Variants in CACNA2D3 observed in about 807,000 individuals in gnomAD.
The protein encoded by CACNA2D3 is calcium voltage-gated channel auxiliary subunit alpha2delta 3.
In CACNA2D3, 60 loss-of-function variants were observed where a neutral mutation model predicts 160.6. The observed-to-expected ratio is 0.37, with a 90% CI of 0.30 to 0.46. CACNA2D3 has a LOEUF of 0.46. Among genes scored for constraint, CACNA2D3 ranks in the 20% least tolerant of loss-of-function variants. The pLI, the probability that CACNA2D3 is intolerant of heterozygous loss-of-function variation, is 1.00. For synonymous variants in CACNA2D3, 558 were observed against 492.9 expected, an observed-to-expected ratio of 1.13 and a Z score of -1.75; for missense variants, 1,205 against 1,365.0, an observed-to-expected ratio of 0.88 and a Z score of 1.85.
intron 2 of CACNA2D3, among the ~76,000 whole-genome samples, chr3:54,148,540 C>G (rs1242126107): frequency 6.6e-6 from 1 of 152,072 alleles, no homozygotes; most frequent in Non-Finnish European, 1.5e-5. Context: ...GTGGCCTGAG[C>G]CCTCATATAG....
chr3:54,619,944 C>G (rs1698946467), intron 9 of CACNA2D3, among the ~76,000 whole-genome samples: 1 of 152,066 alleles, frequency 6.6e-6, no homozygotes. Context: ...TGTGTGTTGT[C>G]AGGAGGAATT....
At chr3:54,880,571 T>C (rs560101051) in intron 20 of CACNA2D3, among the ~76,000 whole-genome samples, 8 of 152,206 alleles carry the variant, frequency 5.3e-5, no homozygotes, top group Non-Finnish European at 1.0e-4. Flanking sequence ...AGTAGCCAAT[T>C]GCTGCTGGCA....
chr3:54,705,273 G>A (rs1467981076), intron 11 of CACNA2D3, among the ~76,000 whole-genome samples: 1 of 151,992 alleles, frequency 6.6e-6, no homozygotes, highest in Non-Finnish European at 1.5e-5. Flanking sequence ...TCCTTTCCCA[G>A]CAAAGTTAGC....
At chr3:54,830,252 G>C (rs1300512432) in intron 14 of CACNA2D3, among the ~76,000 whole-genome samples, 1 of 151,420 alleles carries the variant, frequency 6.6e-6, no homozygotes, top group Non-Finnish European at 1.5e-5. Flanking sequence ...CCAGATTCTG[G>C]TTATCTTAAA....
intron 13 of CACNA2D3, among the ~76,000 whole-genome samples, chr3:54,770,505 TGC>T (rs1362210798): frequency 6.6e-6 from 1 of 152,254 alleles, no homozygotes; most frequent in Non-Finnish European, 1.5e-5. Context: ...ACCGTGTTTA[TGC>T]AAAATTAAAT....
chr3:54,350,966 C>CTT (rs1698542275), intron 3 of CACNA2D3, among the ~76,000 whole-genome samples: 1 of 63,286 alleles, frequency 1.6e-5, no homozygotes, highest in Admixed American at 2.0e-4. Flanking sequence ...GATCTTGAGT[C>CTT]TGTTTTTTTT....
intron 8 of CACNA2D3, among the ~76,000 whole-genome samples, chr3:54,573,680 G>T (rs1428116454): frequency 6.6e-6 from 1 of 152,144 alleles, no homozygotes; most frequent in African/African-American, 2.4e-5. Context: ...GCACCAAAGG[G>T]TATACACACA....
At chr3:54,446,548 C>T (rs1246913155) in intron 4 of CACNA2D3, among the ~76,000 whole-genome samples, 1 of 152,164 alleles carries the variant, frequency 6.6e-6, no homozygotes, top group Non-Finnish European at 1.5e-5. Context: ...GATTACCACC[C>T]AGAATTGATG....
chr3:54,907,546 G>T (rs553798108), intron 27 of CACNA2D3, among the ~76,000 whole-genome samples: 287 of 152,168 alleles, frequency 1.9e-3, no homozygotes, highest in Non-Finnish European at 3.2e-3. Context: ...AATTATTATT[G>T]TCGCCCTCTT....
Position 54,671,184 on chromosome 3 carries a change from C to A in CACNA2D3, c.1167+28943C>A, listed in dbSNP as rs116255678. On this transcript the variant is annotated intron_variant, in intron 11 of 37. Coordinates refer to ENST00000474759, the MANE Select transcript of CACNA2D3 (RefSeq NM_018398.3). ...ATTTTGGAAGTTAACATATATTAAT[C>A]ATTTCCTTTGTATCTAGTAGCTGGG... 3.3e-3 allele frequency among the ~76,000 whole-genome samples: 499 copies of A among 151,554 alleles called. 3 individuals are homozygous for A. The highest frequency in any genetic ancestry group is 0.011 in the African/African-American group (462 of 41,224).
chr3:54,495,248 A>G (rs1156614730), intron 4 of CACNA2D3, among the ~76,000 whole-genome samples: 25 of 152,028 alleles, frequency 1.6e-4, no homozygotes, highest in Admixed American at 1.6e-3. Flanking sequence ...GCTTTAAAAA[A>G]TGGTTAGGGA....
chr3:55,063,295 A>G (rs935070327), intron 35 of CACNA2D3, among the ~76,000 whole-genome samples: 2 of 152,042 alleles, frequency 1.3e-5, no homozygotes, highest in African/African-American at 4.8e-5. Flanking sequence ...CAAGATCCTC[A>G]GGTCATCCGT....
chr3:54,633,262 G>C (rs1353113493), intron 10 of CACNA2D3, among the ~76,000 whole-genome samples: 1 of 152,192 alleles, frequency 6.6e-6, no homozygotes, highest in Non-Finnish European at 1.5e-5. Context: ...CTCAATTGGA[G>C]AGTAGATTCT....
intron 11 of CACNA2D3, among the ~76,000 whole-genome samples, chr3:54,732,376 G>A (rs1319334260): frequency 6.6e-6 from 1 of 152,174 alleles, no homozygotes; most frequent in Non-Finnish European, 1.5e-5. Context: ...GTTCTTTGGT[G>A]GCCCATGACT....
intron 3 of CACNA2D3, among the ~76,000 whole-genome samples, chr3:54,350,990 T>TTC (rs1559457851): frequency 8.3e-6 from 1 of 119,872 alleles, no homozygotes; most frequent in African/African-American, 3.1e-5. Context: ...TTGTTTGTTT[T>TTC]TTTTTTTTTT....
At chr3:54,422,186 G>A (rs1333533903) in intron 4 of CACNA2D3, among the ~76,000 whole-genome samples, 3 of 152,208 alleles carry the variant, frequency 2.0e-5, no homozygotes, top group Admixed American at 2.0e-4. Context: ...CCCCTGGGGT[G>A]GTTCTGGTCC....
intron 11 of CACNA2D3, among the ~76,000 whole-genome samples, chr3:54,660,455 C>A (rs553697845): frequency 6.6e-6 from 1 of 152,154 alleles, no homozygotes; most frequent in Non-Finnish European, 1.5e-5. Flanking sequence ...CCACCGCACC[C>A]GGCTGCTTTC....
At chr3:54,219,364 C>T (rs1390130574) in intron 2 of CACNA2D3, among the ~76,000 whole-genome samples, 1 of 152,182 alleles carries the variant, frequency 6.6e-6, no homozygotes, top group Non-Finnish European at 1.5e-5. Context: ...CATTGACTTG[C>T]ACCTATTCAT....
At chr3:54,162,931 G>A (rs1401740227) in intron 2 of CACNA2D3, among the ~76,000 whole-genome samples, 1 of 152,228 alleles carries the variant, frequency 6.6e-6, no homozygotes, top group Non-Finnish European at 1.5e-5. Context: ...AGGGGATAGA[G>A]AATAGTGGGA....
Sources: gnomAD v4.1 joint callset for allele counts (sites outside exome capture counted in the v4.1 genomes callset) on GRCh38, gnomAD v4.1.1 for gene constraint, MANE v1.5 for transcripts, NCBI Gene and HGNC (gene_info 2026-07-23, HGNC 2026-07-21) for gene names.